The following NRK variants were observed in gnomAD, a reference collection of about 807,000 sequenced individuals.
NRK encodes the protein nik-related protein kinase.
A neutral mutation model predicts 125.2 loss-of-function variants in NRK; 67 were observed. The observed-to-expected ratio is 0.54, with a 90% CI of 0.44 to 0.66. The LOEUF (loss-of-function observed/expected upper bound fraction) is 0.66. Among genes scored for constraint, NRK ranks in the 30% least tolerant of loss-of-function variants. The pLI, the probability that NRK is intolerant of heterozygous loss-of-function variation, is 0.00. For synonymous variants in NRK, 458 were observed against 429.0 expected (o/e 1.07, Z -0.84); for missense variants, 1,224 against 1,192.9 (o/e 1.03, Z -0.38).
chrX:105,872,011 T>A (rs1303679467), intron 2 of NRK, among the ~76,000 whole-genome samples: 6 of 111,567 alleles, frequency 5.4e-5, no homozygotes, highest in Non-Finnish European at 1.1e-4. Context: ...GTGTCAAGGT[T>A]AAAATAGTAT....
In NRK at chrX:105,874,937, C is replaced by T. The variant is rs766365154; in HGVS notation, c.124-5262C>T. ...GAAATGATACTGCAAAAAGAATATACGTTCATCTTAATTACTATATTTTGG... is the reference window on the plus strand; with the variant it reads ...GAAATGATACTGCAAAAAGAATATATGTTCATCTTAATTACTATATTTTGG... On this transcript the variant is annotated intron_variant, in intron 2 of 28. Coordinates refer to ENST00000243300, the MANE Select transcript of NRK (RefSeq NM_198465.4). Among the ~76,000 whole-genome samples the T allele has an allele frequency of 5.4e-5, 6 of 111,483 alleles. No homozygotes were observed. The South Asian group carries it at 2.2e-3, about 41-fold the overall frequency.
At position 105,909,778 on chromosome X, in the gene NRK, G is replaced by C; in HGVS notation, c.2137G>C (p.Glu713Gln). Residue 713 changes from glutamate (E) to glutamine (Q), a missense_variant, in exon 13 of 29, where the codon GAA becomes CAA. Coordinates refer to ENST00000243300, the MANE Select transcript of NRK (RefSeq NM_198465.4). ...RFRAKSSWRP[E>Q]KLELSDLEAR... ...CAGGGCAAAGTCATCATGGAGACCTGAAAAGCTTGAACTCTCGGATTTAGA... is the reference window on the plus strand; with the variant it reads ...CAGGGCAAAGTCATCATGGAGACCTCAAAAGCTTGAACTCTCGGATTTAGA... The C allele has an allele frequency of 8.5e-7, 1 of 1,182,848 alleles. No individual in the cohort carries two copies.
intron 23 of NRK, among the ~76,000 whole-genome samples, chrX:105,943,070 T>C (rs778381249): frequency 8.6e-4 from 97 of 112,401 alleles, no homozygotes; most frequent in African/African-American, 3.0e-3. Context: ...TTCCTTTTCT[T>C]GCCTTATATT....
intron 23 of NRK, among the ~76,000 whole-genome samples, chrX:105,941,228 G>A (rs746255892): frequency 1.8e-4 from 20 of 111,076 alleles, no homozygotes; most frequent in Non-Finnish European, 3.0e-4. Context: ...GACTAGTTAA[G>A]TTTAGTTTTC....
At chrX:105,826,572 C>G (rs2039116121) in intron 1 of NRK, among the ~76,000 whole-genome samples, 2 of 105,546 alleles carry the variant, frequency 1.9e-5, no homozygotes, top group Non-Finnish European at 3.9e-5. Context: ...ATGTGCAGTC[C>G]TAATCTATAT....
At chrX:105,921,912 A>C (rs182386971) in intron 16 of NRK, 52 bp from the exon 17 acceptor site, 1 of 578,754 alleles carries the variant, frequency 1.7e-6, no homozygotes, top group East Asian at 3.5e-5. Flanking sequence ...ATACATATGA[A>C]GGCAATGGCT....
At chrX:105,907,908 G>A (rs898187431) in intron 11 of NRK, 9 of 131,558 alleles carry the variant, frequency 6.8e-5, no homozygotes, top group Non-Finnish European at 1.3e-4. Context: ...ACAGCTGTAA[G>A]CCATGCTCAC....
chrX:105,909,195 G>A lies in NRK; in HGVS notation c.1554G>A (p.Glu518=). 2 of 1,210,215 alleles carry A rather than the reference G, an allele frequency of 1.7e-6. No individual in the cohort carries two copies. Among genetic ancestry groups the A allele is most frequent in the South Asian group, 1.8e-5 (1 of 56,885 alleles). The change falls in exon 13 of 29, where the codon GAG becomes GAA. Residue 518 remains glutamate, a synonymous_variant. Transcript: ENST00000243300. The part of the protein sequence containing the change: ...SEPQDLDQVP[E]EFQGQDQVPE... ...CACAAGATTTGGACCAGGTACCAGA[G>A]GAATTTCAGGGTCAAGATCAGGTAC...
intron 1 of NRK, 30 bp downstream of exon 1, chrX:105,822,932 A>G: frequency 1.8e-6 from 2 of 1,124,245 alleles, no homozygotes; most frequent in Admixed American, 2.6e-5. Context: ...CGCCCCCCGA[A>G]ATGCTCTCTT....
At chrX:105,861,099 T>C (rs2039596837) in intron 2 of NRK, among the ~76,000 whole-genome samples, 1 of 111,388 alleles carries the variant, frequency 9.0e-6, no homozygotes, top group Non-Finnish European at 1.9e-5. Flanking sequence ...TTACCAAGGG[T>C]ATATGAAGTT....
chrX:105,848,106 A>G (rs988571216), intron 2 of NRK, among the ~76,000 whole-genome samples: 1 of 112,094 alleles, frequency 8.9e-6, no homozygotes, highest in Non-Finnish European at 1.9e-5. Flanking sequence ...GCTGAGGCAG[A>G]TGAGGAAGAA....
At chrX:105,949,418 A>G (rs1420202120) in intron 26 of NRK, among the ~76,000 whole-genome samples, 157 bp from the exon 27 acceptor site, 1 of 112,137 alleles carries the variant, frequency 8.9e-6, no homozygotes, top group African/African-American at 3.2e-5. Context: ...CTCTCTTCAA[A>G]TATTGGATAG....
chrX:105,832,535 G>A (rs2039207739), intron 2 of NRK, among the ~76,000 whole-genome samples: 1 of 111,455 alleles, frequency 9.0e-6, no homozygotes, highest in South Asian at 3.8e-4. Flanking sequence ...ACTGATCACA[G>A]GTCCTCCACA....
chrX:105,887,102 A>C (rs2039956933), intron 4 of NRK, among the ~76,000 whole-genome samples: 1 of 112,253 alleles, frequency 8.9e-6, no homozygotes, highest in Admixed American at 9.5e-5. Context: ...TCATTAAAAT[A>C]AAAACTTTTG....
intron 14 of NRK, among the ~76,000 whole-genome samples, chrX:105,914,776 C>G (rs983247399): frequency 3.0e-4 from 32 of 107,474 alleles, no homozygotes; most frequent in African/African-American, 1.0e-3. Context: ...TAAGGCTACT[C>G]TAGTTTCTAG....
intron 2 of NRK, among the ~76,000 whole-genome samples, chrX:105,852,680 T>G (rs1473202478): frequency 8.9e-6 from 1 of 111,746 alleles, no homozygotes; most frequent in Non-Finnish European, 1.9e-5. Context: ...TCCTCCCCCT[T>G]TAAAGTTAGC....
At chrX:105,943,827 A>G in intron 23 of NRK, 114 bp from the exon 24 acceptor site, 1 of 437,731 alleles carries the variant, frequency 2.3e-6, no homozygotes. Context: ...TTCCCCAAAA[A>G]TATACTGTCT....
At chrX:105,925,993 A>G (rs936621335) in intron 19 of NRK, among the ~76,000 whole-genome samples, 18 of 110,908 alleles carry the variant, frequency 1.6e-4, no homozygotes, top group African/African-American at 5.9e-4. Flanking sequence ...ATCATATGGT[A>G]GTTCTATTTG....
At chrX:105,836,997 G>A (rs745317817) in intron 2 of NRK, among the ~76,000 whole-genome samples, 79 of 111,871 alleles carry the variant, frequency 7.1e-4, no homozygotes, top group Non-Finnish European at 8.7e-4. Context: ...TTAAAAAGAT[G>A]GAAGTAAATT....
Sources: gnomAD v4.1 joint callset for allele counts (sites outside exome capture counted in the v4.1 genomes callset) on GRCh38, gnomAD v4.1.1 for gene constraint, MANE v1.5 for transcripts, NCBI Gene and HGNC (gene_info 2026-07-23, HGNC 2026-07-21) for gene names.